The following FAM220A variants were observed in gnomAD, a reference collection of about 807,000 sequenced individuals.
FAM220A encodes the protein protein FAM220A.
For missense variants in FAM220A, 392 were observed against 321.6 expected, an observed-to-expected ratio of 1.22 and a Z score of -1.68; for synonymous variants, 141 against 130.7, an observed-to-expected ratio of 1.08 and a Z score of -0.54.
At chr7:6,338,436 A>C (rs901574943) in intron 1 of FAM220A, among the ~76,000 whole-genome samples, 21 of 152,200 alleles carry the variant, frequency 1.4e-4, no homozygotes, top group African/African-American at 5.1e-4. Context: ...AGACCACCAG[A>C]ATGATGGAAG....
intron 1 of FAM220A, among the ~76,000 whole-genome samples, chr7:6,339,489 TG>T (rs1192926634): frequency 2.6e-5 from 4 of 151,288 alleles, no homozygotes; most frequent in Non-Finnish European, 5.9e-5. Flanking sequence ...CCCCTTTTTT[TG>T]TTTTTTTTTT....
At chr7:6,345,248 G>C (rs1781932400) in intron 1 of FAM220A, among the ~76,000 whole-genome samples, 1 of 151,950 alleles carries the variant, frequency 6.6e-6, no homozygotes. Flanking sequence ...CTCCCAAGTA[G>C]CTGGGATTAC....
chr7:6,330,500 T>C lies in FAM220A; in HGVS notation c.655A>G (p.Met219Val), dbSNP rs758383812. Reference sequence around the variant, plus strand: ...AATTCTATTGTTTGCTTTGAAAACATGGGCTTTAAACGGTCAAGGAAAATG... The same window carrying C: ...AATTCTATTGTTTGCTTTGAAAACACGGGCTTTAAACGGTCAAGGAAAATG... Reference protein sequence around the residue: ...KRIFLDRLKPMFSKQTIEFKK... With the variant: ...KRIFLDRLKPVFSKQTIEFKK... The change falls in exon 2 of 2, where the codon ATG (methionine) becomes GTG (valine). Residue 219 changes from methionine to valine, a missense_variant. Transcript: ENST00000313324. 6.2e-6 allele frequency: 10 copies of C among 1,614,060 alleles called. No homozygotes were observed. Among genetic ancestry groups the C allele is most frequent in the South Asian group, 2.2e-5 (2 of 91,086 alleles).
In FAM220A at chr7:6,330,426, C is replaced by A; in HGVS notation, c.729G>T (p.Gly243=). 6.2e-7 allele frequency: 1 copy of A among 1,614,076 alleles called. No homozygotes were observed. The stretch of plus-strand genomic sequence containing the variant: ...ATTCAAAAGGTTGCAGAGCCAGTAA[C>A]CCCAGTGTTATCTGCAGACCATCTG... The part of the protein sequence containing the change: ...STSDGLQITL[G]LLALQPFELA... Residue 243 remains glycine, a synonymous_variant, in exon 2 of 2, where the codon GGG becomes GGT. Transcript: ENST00000313324.
intron 1 of FAM220A, among the ~76,000 whole-genome samples, chr7:6,339,096 T>A (rs1258084505): frequency 6.6e-6 from 1 of 152,202 alleles, no homozygotes; most frequent in Non-Finnish European, 1.5e-5. Context: ...ACAGCACTTC[T>A]AAATTAGGCT....
At chr7:6,337,030 T>C (rs1386398866) in intron 1 of FAM220A, among the ~76,000 whole-genome samples, 2 of 152,102 alleles carry the variant, frequency 1.3e-5, no homozygotes, top group African/African-American at 4.8e-5. Context: ...ACGGAAGGAT[T>C]CCTAAATATA....
Position 6,348,588 on chromosome 7 carries a change from G to A in FAM220A, c.-97C>T, listed in dbSNP as rs1450626631. ...GCTCACCCACCTGCAGGCGGACGTT[G>A]AGCATCATGGAAGCCACGATGTAGA... On this transcript the variant is annotated 5_prime_UTR_variant, in exon 1 of 2. Coordinates refer to ENST00000313324, the MANE Select transcript of FAM220A (RefSeq NM_001037163.2). 1 of 443,240 alleles carries A rather than the reference G, an allele frequency of 2.3e-6. No individual in the cohort carries two copies. Among genetic ancestry groups the A allele is most frequent in the Admixed American group, 3.9e-5 (1 of 25,422 alleles). The allele number at this position is 443,240 out of a possible 1,614,324, so 27.5% of individuals were successfully genotyped here. A position where few individuals can be genotyped will look rare whatever the true frequency, so the allele number is the denominator to read the frequency against.
chr7:6,343,087 A>G (rs915839814), intron 1 of FAM220A, among the ~76,000 whole-genome samples: 1 of 151,174 alleles, frequency 6.6e-6, no homozygotes. Context: ...AAAAGAAAAG[A>G]AAAAATTGGC....
intron 1 of FAM220A, 27 bp downstream of exon 1, chr7:6,348,539 AGGGCCGG>A (rs1345377605): frequency 2.4e-6 from 1 of 418,308 alleles, no homozygotes; most frequent in African/African-American, 2.1e-5. Flanking sequence ...GCGCTCGGGG[AGGGCCGG>A]GGGCCGGGCA....
chr7:6,348,401 G>A (rs1402066205), intron 1 of FAM220A, among the ~76,000 whole-genome samples, 172 bp downstream of exon 1: 1 of 152,164 alleles, frequency 6.6e-6, no homozygotes, highest in Non-Finnish European at 1.5e-5. Flanking sequence ...TTGCAGAACG[G>A]GGATAAGGAC....
chr7:6,332,486 A>G (rs1781656848), intron 1 of FAM220A, among the ~76,000 whole-genome samples: 1 of 152,110 alleles, frequency 6.6e-6, no homozygotes, highest in Non-Finnish European at 1.5e-5. Flanking sequence ...TGACACGTTA[A>G]ATGTAATTTT....
In FAM220A at chr7:6,331,465, A is replaced by T. The variant is rs113437477; in HGVS notation, c.-81-230T>A. 5.5e-4 allele frequency among the ~76,000 whole-genome samples: 82 copies of T among 149,778 alleles called. 1 individual carries two copies. The highest frequency in any genetic ancestry group is 3.0e-3 in the Admixed American group (45 of 15,054). ...GGTGTGAGCCACCATGCCCAGCCGT[A>T]TTAAGGTTTTTGTTTTTTTGAGACA... On this transcript the variant is annotated intron_variant, in intron 1 of 1. Transcript: ENST00000313324.
rs187892635 is a variant in FAM220A at position 6,339,530 on chromosome 7, C to T, written c.-81-8295G>A. On this transcript the variant is annotated intron_variant, in intron 1 of 1. Coordinates refer to ENST00000313324, the MANE Select transcript of FAM220A (RefSeq NM_001037163.2). ...ACGGAGTCTCGCTCTGTCGCCCAGG[C>T]TGGAGTGCAGTGGAGCAATCTCAGC... Among the ~76,000 whole-genome samples, 1,204 of 151,948 alleles carry T rather than the reference C, an allele frequency of 7.9e-3. 11 individuals are homozygous for T. Among genetic ancestry groups the T allele is most frequent in the East Asian group, 0.054 (277 of 5,160 alleles).
intron 1 of FAM220A, among the ~76,000 whole-genome samples, chr7:6,336,669 G>A (rs533869609): frequency 2.1e-5 from 3 of 146,092 alleles, no homozygotes; most frequent in South Asian, 2.2e-4. Flanking sequence ...GAGAGAGCGA[G>A]CAAGACTTTG....
chr7:6,343,045 A>AC (rs1384212565), intron 1 of FAM220A, among the ~76,000 whole-genome samples: 7 of 126,214 alleles, frequency 5.5e-5, no homozygotes, highest in South Asian at 5.1e-4. Context: ...TCAAAAAAAA[A>AC]AAAGAAAAAA....
Position 6,331,079 on chromosome 7 carries a change from G to A in FAM220A, c.76C>T (p.Leu26=). 6.2e-7 allele frequency: 1 copy of A among 1,613,600 alleles called. No individual in the cohort carries two copies. The highest frequency in any genetic ancestry group is 8.5e-7 in the Non-Finnish European group (1 of 1,180,046). The part of the protein sequence containing the change: ...QQAGGGDSDK[L]SCSLKKRMPE... Reference sequence around the variant, plus strand: ...ATTCTTTTCTTAAGGCTGCATGATAGTTTGTCCGAGTCACCTCCTCCGGCC... The same window carrying A: ...ATTCTTTTCTTAAGGCTGCATGATAATTTGTCCGAGTCACCTCCTCCGGCC... The change falls in exon 2 of 2, where the codon CTA becomes TTA. Residue 26 remains leucine, a synonymous_variant. Coordinates refer to ENST00000313324, the MANE Select transcript of FAM220A (RefSeq NM_001037163.2).
At position 6,329,489 on chromosome 7, in the gene FAM220A, T is replaced by C. The variant is rs933017802; in HGVS notation, c.*886A>G. 2.0e-5 allele frequency: 3 copies of C among 152,688 alleles called. No individual in the cohort carries two copies. The highest frequency in any genetic ancestry group is 6.6e-5 in the Admixed American group (1 of 15,256). The allele number at this position is 152,688 out of a possible 1,614,324, so 9.5% of individuals were successfully genotyped here. On this transcript the variant is annotated 3_prime_UTR_variant, in exon 2 of 2. Transcript: ENST00000313324. ...CCAAACACTAAAATAGCACATGGCATAGTAATTCAGCACACAGCATAAACT... is the reference window on the plus strand; with the variant it reads ...CCAAACACTAAAATAGCACATGGCACAGTAATTCAGCACACAGCATAAACT...
intron 1 of FAM220A, among the ~76,000 whole-genome samples, chr7:6,346,356 G>A (rs1385057773): frequency 6.6e-6 from 1 of 151,998 alleles, no homozygotes; most frequent in Non-Finnish European, 1.5e-5. Flanking sequence ...AAAATAAAGA[G>A]GCCAGTTAAT....
Position 6,348,868 on chromosome 7 carries a change from A to ACCGGCGGG in FAM220A, c.-385_-378dup, listed in dbSNP as rs1247134204. The ACCGGCGGG allele has an allele frequency of 2.6e-6, 1 of 386,086 alleles. No individual in the cohort carries two copies. The highest frequency in any genetic ancestry group is 2.1e-5 in the African/African-American group (1 of 47,766). The allele number at this position is 386,086 out of a possible 1,614,324, so 23.9% of individuals were successfully genotyped here. ...AGGGAGCGAAGGAGGCGGCGGCTAG[A>ACCGGCGGG]CCGGCGGGCGGGCGGGCCGCAGTGG... On this transcript the variant is annotated 5_prime_UTR_variant, in exon 1 of 2. Transcript: ENST00000313324.
Sources: gnomAD v4.1 joint callset for allele counts (sites outside exome capture counted in the v4.1 genomes callset) on GRCh38, gnomAD v4.1.1 for gene constraint, MANE v1.5 for transcripts, NCBI Gene and HGNC (gene_info 2026-07-23, HGNC 2026-07-21) for gene names.